DNM3: variants seen among roughly 807,000 people sequenced by gnomAD.
DNM3 encodes the protein dynamin-3.
A neutral mutation model predicts 101.6 loss-of-function variants in DNM3; 47 were observed. The ratio of observed to expected loss-of-function variants is 0.46; its 90% CI spans 0.37 to 0.59. The LOEUF is 0.59. Ranked by LOEUF, DNM3 falls within the 20% of genes least tolerant of loss-of-function variation. The pLI, the probability that DNM3 is intolerant of heterozygous loss-of-function variation, is 0.00. For missense variants in DNM3, 849 were observed against 1,085.7 expected (o/e 0.78, Z 3.06); for synonymous variants, 385 against 387.9 (o/e 0.99, Z 0.09).
At chr1:171,847,890 C>A (rs201694827) in intron 1 of DNM3, among the ~76,000 whole-genome samples, 1 of 107,282 alleles carries the variant, frequency 9.3e-6, no homozygotes, top group Non-Finnish European at 1.9e-5. Flanking sequence ...CTCTCTCTCT[C>A]TCTCTCTGTG....
chr1:171,934,489 C>T (rs558173476), intron 2 of DNM3, among the ~76,000 whole-genome samples: 1 of 152,312 alleles, frequency 6.6e-6, no homozygotes, highest in East Asian at 1.9e-4. Flanking sequence ...GTAACTCTCC[C>T]TCTGCTTCTC....
At chr1:172,330,487 A>G (rs2066135814) in intron 17 of DNM3, among the ~76,000 whole-genome samples, 1 of 152,120 alleles carries the variant, frequency 6.6e-6, no homozygotes, top group Non-Finnish European at 1.5e-5. Flanking sequence ...CTACCAGGGT[A>G]CAAAATACCC....
Position 172,411,862 on chromosome 1 carries a change from A to G in DNM3, c.*4021A>G, listed in dbSNP as rs2071226368. The G allele has an allele frequency of 2.0e-6, 2 of 985,814 alleles. No homozygotes were observed. The highest frequency in any genetic ancestry group is 4.7e-5 in the South Asian group (1 of 21,288). The allele number at this position is 985,814 out of a possible 1,614,324, so 61.1% of individuals were successfully genotyped here. ...AGTTTAATGTAAATGAATCTAGATG[A>G]TTTTGAAGAAATGATTATTCGTTCA... On this transcript the variant is annotated 3_prime_UTR_variant, in exon 21 of 21. Transcript: ENST00000627582.
chr1:172,162,134 A>G (rs1175377269), intron 14 of DNM3, among the ~76,000 whole-genome samples: 1 of 152,120 alleles, frequency 6.6e-6, no homozygotes, highest in Non-Finnish European at 1.5e-5. Flanking sequence ...TATTTTTATA[A>G]TAGTAGGAAA....
chr1:172,175,873 T>C (rs574980846), intron 14 of DNM3, among the ~76,000 whole-genome samples: 2 of 151,688 alleles, frequency 1.3e-5, no homozygotes, highest in South Asian at 2.1e-4. Context: ...TGCTCAAGAG[T>C]GGGAAAAGTT....
intron 20 of DNM3, among the ~76,000 whole-genome samples, chr1:172,403,549 G>A (rs1448315506): frequency 6.6e-6 from 1 of 152,130 alleles, no homozygotes; most frequent in East Asian, 1.9e-4. Flanking sequence ...GGTAAAGCCA[G>A]TTTCTCCCCC....
intron 1 of DNM3, among the ~76,000 whole-genome samples, chr1:171,908,412 A>G (rs978628823): frequency 6.6e-6 from 1 of 152,224 alleles, no homozygotes; most frequent in Non-Finnish European, 1.5e-5. Flanking sequence ...TTAAATAATT[A>G]TAAGTGCTTA....
At chr1:172,054,605 C>A (rs1003113282) in intron 10 of DNM3, among the ~76,000 whole-genome samples, 2 of 150,904 alleles carry the variant, frequency 1.3e-5, no homozygotes, top group East Asian at 3.9e-4. Context: ...TGATTTTTTT[C>A]TTGTTTAGAA....
At chr1:172,297,011 C>G (rs2255689) in intron 15 of DNM3, among the ~76,000 whole-genome samples, 1 of 151,894 alleles carries the variant, frequency 6.6e-6, no homozygotes, top group African/African-American at 2.4e-5. Context: ...GGCCTTGTGG[C>G]ATGTTCCTGT....
chr1:172,132,522 A>G (rs2056993805), intron 14 of DNM3, among the ~76,000 whole-genome samples: 1 of 152,188 alleles, frequency 6.6e-6, no homozygotes, highest in African/African-American at 2.4e-5. Flanking sequence ...TAGTTTTAAC[A>G]TAGTTTGAGG....
chr1:171,943,847 A>G (rs1247245491), intron 2 of DNM3, among the ~76,000 whole-genome samples: 1 of 152,152 alleles, frequency 6.6e-6, no homozygotes, highest in African/African-American at 2.4e-5. Flanking sequence ...GACTCTTTTT[A>G]TCAACTTTTT....
chr1:172,399,100 A>C (rs1214925815), intron 20 of DNM3, among the ~76,000 whole-genome samples: 2 of 152,106 alleles, frequency 1.3e-5, no homozygotes, highest in Non-Finnish European at 2.9e-5. Flanking sequence ...TTTGTGTTCC[A>C]GTTTATGTGT....
At chr1:172,118,266 TGA>T (rs1369527792) in intron 13 of DNM3, among the ~76,000 whole-genome samples, 1 of 152,238 alleles carries the variant, frequency 6.6e-6, no homozygotes, top group East Asian at 1.9e-4. Flanking sequence ...ATTTAATACC[TGA>T]GTGTGTGAGC....
intron 16 of DNM3, among the ~76,000 whole-genome samples, chr1:172,320,271 T>C (rs1356560769): frequency 6.6e-6 from 1 of 151,390 alleles, no homozygotes; most frequent in Non-Finnish European, 1.5e-5. Flanking sequence ...TTAGGAGATA[T>C]AGCTAATGCT....
chr1:172,244,227 GGT>G (rs2061858213), intron 14 of DNM3, among the ~76,000 whole-genome samples: 1 of 151,816 alleles, frequency 6.6e-6, no homozygotes, highest in East Asian at 1.9e-4. Flanking sequence ...AGTATTCCAT[GGT>G]GTATATGTGC....
chr1:171,845,108 A>G (rs1183091445), intron 1 of DNM3, among the ~76,000 whole-genome samples: 1 of 152,202 alleles, frequency 6.6e-6, no homozygotes, highest in Non-Finnish European at 1.5e-5. Flanking sequence ...AAAACAGTGG[A>G]GCTAAGATTC....
rs34381735 is a variant in DNM3 at position 171,905,632 on chromosome 1, A to G, written c.162-16116A>G. 3.4e-4 allele frequency among the ~76,000 whole-genome samples: 52 copies of G among 152,260 alleles called. 1 individual carries two copies. The highest frequency in any genetic ancestry group is 3.7e-4 in the Non-Finnish European group (25 of 68,036). ...CTAAAAAATATTTACTTCATGTAAGACTAGATTTAGGGGAGAATATTAAAA... is the reference window on the plus strand; with the variant it reads ...CTAAAAAATATTTACTTCATGTAAGGCTAGATTTAGGGGAGAATATTAAAA... On this transcript the variant is annotated intron_variant, in intron 1 of 20. Coordinates refer to ENST00000627582, the MANE Select transcript of DNM3 (RefSeq NM_015569.5).
intron 15 of DNM3, among the ~76,000 whole-genome samples, chr1:172,303,089 A>T (rs1281604992): frequency 6.6e-6 from 1 of 152,160 alleles, no homozygotes; most frequent in African/African-American, 2.4e-5. Context: ...TCTCCAAGCA[A>T]AAGGAGCATG....
intron 17 of DNM3, among the ~76,000 whole-genome samples, chr1:172,349,031 C>A (rs2067078428): frequency 6.6e-6 from 1 of 152,162 alleles, no homozygotes; most frequent in Admixed American, 6.5e-5. Context: ...TCTCTGGCAA[C>A]CTTCTGAGAC....
Sources: gnomAD v4.1 joint callset for allele counts (sites outside exome capture counted in the v4.1 genomes callset) on GRCh38, gnomAD v4.1.1 for gene constraint, MANE v1.5 for transcripts, NCBI Gene and HGNC (gene_info 2026-07-23, HGNC 2026-07-21) for gene names.